Variants in SHC4 observed in about 807,000 individuals in gnomAD.
The protein encoded by SHC4 is SHC adaptor protein 4, also known as SHC-transforming protein 4.
In SHC4, 41 loss-of-function variants were observed where a neutral mutation model predicts 69.4. The observed-to-expected ratio is 0.59, with a 90% confidence interval of 0.46 to 0.77. The LOEUF is 0.77. Among genes scored for constraint, SHC4 ranks in the 30% least tolerant of loss-of-function variants. The pLI, the probability that SHC4 is intolerant of heterozygous loss-of-function variation, is 0.00. For missense variants in SHC4, 777 were observed against 783.8 expected (o/e 0.99, Z 0.10); for synonymous variants, 318 against 299.3 (o/e 1.06, Z -0.64).
Position 48,932,515 on chromosome 15 carries a change from TC to T in SHC4, c.586-7567del, listed in dbSNP as rs769425487. 6.2e-4 allele frequency among the ~76,000 whole-genome samples: 94 copies of T among 152,284 alleles called. 1 individual carries two copies. Among genetic ancestry groups the T allele is most frequent in the Non-Finnish European group, 1.1e-3 (73 of 68,014 alleles). The stretch of plus-strand genomic sequence containing the variant: ...AGCCTTTTCCTCCCCGCTTTTGCCC[TC>T]TCATTTTGCACTCTGGTCATTTGCC... On this transcript the variant is annotated intron_variant, in intron 1 of 11. Coordinates refer to ENST00000332408, the MANE Select transcript of SHC4 (RefSeq NM_203349.4).
intron 2 of SHC4, among the ~76,000 whole-genome samples, chr15:48,909,558 T>C (rs1900470328): frequency 6.6e-6 from 1 of 152,144 alleles, no homozygotes; most frequent in African/African-American, 2.4e-5. Context: ...CTTTCTCTTG[T>C]CTGATTGCTC....
chr15:48,943,679 T>A (rs1459099693), intron 1 of SHC4, among the ~76,000 whole-genome samples: 2 of 152,206 alleles, frequency 1.3e-5, no homozygotes, highest in Admixed American at 1.3e-4. Flanking sequence ...ACCTCCATAT[T>A]GTTTTCCATA....
At chr15:48,865,712 G>C (rs958220130) in intron 6 of SHC4, among the ~76,000 whole-genome samples, 1 of 152,122 alleles carries the variant, frequency 6.6e-6, no homozygotes, top group Admixed American at 6.5e-5. Flanking sequence ...CTGAAACCTT[G>C]ATTTGGACTG....
chr15:48,928,829 C>A lies in SHC4; in HGVS notation c.586-3880G>T, dbSNP rs41418548. 7.2e-3 allele frequency among the ~76,000 whole-genome samples: 1,095 copies of A among 152,218 alleles called. 20 individuals carry two copies. Among genetic ancestry groups the A allele is most frequent in the African/African-American group, 0.026 (1,064 of 41,518 alleles). On this transcript the variant is annotated intron_variant, in intron 1 of 11. Coordinates refer to ENST00000332408, the MANE Select transcript of SHC4 (RefSeq NM_203349.4). ...TATGGCAGTGACTGTGATCTTTACT[C>A]TTACGGTGGTTATAGCCAAGGGAAT...
chr15:48,857,855 T>C (rs745475718), intron 6 of SHC4, 40 bp from the exon 7 acceptor site: 1 of 1,439,506 alleles, frequency 6.9e-7, no homozygotes, highest in African/African-American at 1.5e-5. Context: ...ATAATAAATT[T>C]TTAGAAAGAG....
At chr15:48,874,899 T>C (rs576091658) in intron 4 of SHC4, among the ~76,000 whole-genome samples, 9 of 152,288 alleles carry the variant, frequency 5.9e-5, no homozygotes, top group African/African-American at 2.2e-4. Context: ...GCCCATTATT[T>C]TATTTACCAC....
Position 48,825,685 on chromosome 15 carries a change from C to T in SHC4, c.*286G>A, listed in dbSNP as rs1898675188. ...GTTAGCATGTGAAATTTTAGTTGTGCTTTTAGCTTGTTATCAATGCAATAT... is the reference window on the plus strand; with the variant it reads ...GTTAGCATGTGAAATTTTAGTTGTGTTTTTAGCTTGTTATCAATGCAATAT... On this transcript the variant is annotated 3_prime_UTR_variant, in exon 12 of 12. Transcript: ENST00000332408. The T allele has an allele frequency of 3.6e-6, 1 of 276,048 alleles. No individual in the cohort carries two copies. The highest frequency in any genetic ancestry group is 6.8e-6 in the Non-Finnish European group (1 of 147,230). The allele number at this position is 276,048 out of a possible 1,614,324, so 17.1% of individuals were successfully genotyped here.
chr15:48,862,419 G>A (rs1250008072), intron 6 of SHC4, among the ~76,000 whole-genome samples: 2 of 152,086 alleles, frequency 1.3e-5, no homozygotes, highest in Non-Finnish European at 2.9e-5. Context: ...ATTCTTACTG[G>A]AACTTAACCT....
intron 2 of SHC4, among the ~76,000 whole-genome samples, chr15:48,898,362 G>C (rs1900261011): frequency 6.6e-6 from 1 of 152,158 alleles, no homozygotes; most frequent in South Asian, 2.1e-4. Flanking sequence ...CATCACCCGT[G>C]TACTCTAGGA....
chr15:48,901,704 TAGTCAG>T (rs764183941), intron 2 of SHC4, among the ~76,000 whole-genome samples: 67 of 152,360 alleles, frequency 4.4e-4, no homozygotes, highest in Middle Eastern at 6.8e-3. Context: ...GAGGAAAAGC[TAGTCAG>T]GTAGACTCTG....
At chr15:48,826,268 TTG>T (rs1898686784) in intron 11 of SHC4, 142 bp from the exon 12 acceptor site, 1 of 772,142 alleles carries the variant, frequency 1.3e-6, no homozygotes, top group Non-Finnish European at 1.9e-6. Flanking sequence ...TTTTTTTTTT[TTG>T]AGACAGAGTG....
intron 2 of SHC4, among the ~76,000 whole-genome samples, chr15:48,899,432 C>T (rs1278411369): frequency 1.3e-5 from 2 of 152,168 alleles, no homozygotes; most frequent in East Asian, 3.9e-4. Context: ...TGCCATTGCA[C>T]TACAACCTGG....
intron 2 of SHC4, among the ~76,000 whole-genome samples, chr15:48,923,993 C>T (rs1012492571): frequency 1.3e-5 from 2 of 152,102 alleles, no homozygotes; most frequent in Non-Finnish European, 2.9e-5. Flanking sequence ...AGTGATGTGG[C>T]TCCTTTCGCT....
chr15:48,947,026 G>C (rs764345273), intron 1 of SHC4, among the ~76,000 whole-genome samples: 11 of 152,232 alleles, frequency 7.2e-5, no homozygotes, highest in Non-Finnish European at 1.5e-4. Context: ...TATGCTAGGG[G>C]GGTTTAGGGG....
At chr15:48,889,548 T>TA (rs1200592993) in intron 3 of SHC4, among the ~76,000 whole-genome samples, 1 of 152,068 alleles carries the variant, frequency 6.6e-6, no homozygotes, top group Non-Finnish European at 1.5e-5. Context: ...GAAGATCTCT[T>TA]AAAAAACCCT....
In SHC4 at chr15:48,890,613, C is replaced by T. The variant is rs1354947511; in HGVS notation, c.720+135G>A. ...TGAGGGACAAGAGCAGTTTTGAGTG[C>T]AGCTCTGATATCACGCCACCTAATA... On this transcript the variant is annotated intron_variant, in intron 3 of 11. Transcript: ENST00000332408. 32 of 940,386 alleles carry T rather than the reference C, an allele frequency of 3.4e-5. No homozygotes were observed. In the East Asian group the frequency reaches 7.2e-4, roughly 21 times the overall value. 58.3% of individuals were successfully genotyped at this position (940,386 alleles called of 1,614,324 possible).
At chr15:48,851,712 T>C (rs915664070) in intron 8 of SHC4, among the ~76,000 whole-genome samples, 18 of 152,186 alleles carry the variant, frequency 1.2e-4, no homozygotes, top group African/African-American at 4.1e-4. Context: ...ACTTCGATCA[T>C]CCCTGTACAT....
At chr15:48,838,625 G>T (rs1197949730) in intron 10 of SHC4, among the ~76,000 whole-genome samples, 1 of 152,154 alleles carries the variant, frequency 6.6e-6, no homozygotes, top group Non-Finnish European at 1.5e-5. Flanking sequence ...AGAATTAAAT[G>T]TCTGTCAGAC....
At chr15:48,912,235 G>C (rs537147156) in intron 2 of SHC4, among the ~76,000 whole-genome samples, 1 of 152,066 alleles carries the variant, frequency 6.6e-6, no homozygotes, top group Admixed American at 6.5e-5. Context: ...CTTAGGTTTG[G>C]TCATTTAACA....
Sources: allele counts gnomAD v4.1 joint callset (sites outside exome capture counted in the v4.1 genomes callset), GRCh38; gene constraint gnomAD v4.1.1; transcripts MANE v1.5; gene names NCBI Gene and HGNC (gene_info 2026-07-23, HGNC 2026-07-21).